Variants in PALM2AKAP2 observed in about 807,000 individuals in gnomAD.
PALM2AKAP2 encodes the protein PALM2 and AKAP2 fusion.
PALM2AKAP2 carries 37 observed loss-of-function variants against 71.5 expected under a neutral mutation model. The ratio of observed to expected loss-of-function variants is 0.52; its 90% CI spans 0.40 to 0.68. The LOEUF is 0.68. PALM2AKAP2 is among the 30% of genes least tolerant of loss of function. The pLI is 0.00. For synonymous variants in PALM2AKAP2, 468 were observed against 478.8 expected (o/e 0.98, Z 0.29); for missense variants, 1,224 against 1,191.8 (o/e 1.03, Z -0.40).
intron 1 of PALM2AKAP2, among the ~76,000 whole-genome samples, chr9:109,745,381 A>G (rs1342908185): frequency 6.6e-6 from 1 of 152,152 alleles, no homozygotes; most frequent in Admixed American, 6.5e-5. Flanking sequence ...AATAAGGCTC[A>G]TAGTTCCAGG....
intron 6 of PALM2AKAP2, chr9:109,943,514 A>C: frequency 6.8e-7 from 1 of 1,476,342 alleles, no homozygotes; most frequent in Non-Finnish European, 9.0e-7. Context: ...AATACTGTGA[A>C]CTGGAAGCAA....
chr9:110,015,039 C>A (rs921381237), intron 6 of PALM2AKAP2, among the ~76,000 whole-genome samples: 4 of 151,776 alleles, frequency 2.6e-5, no homozygotes, highest in Admixed American at 2.6e-4. Context: ...AATCTTGTGT[C>A]TTGCCGGATG....
intron 1 of PALM2AKAP2, among the ~76,000 whole-genome samples, chr9:109,812,725 C>T (rs547381156): frequency 2.0e-5 from 3 of 152,074 alleles, no homozygotes; most frequent in Non-Finnish European, 4.4e-5. Context: ...TTTATTCTTC[C>T]CTAGGGCAGG....
chr9:109,649,663 T>C (rs577200901), intron 1 of PALM2AKAP2, among the ~76,000 whole-genome samples: 4 of 152,372 alleles, frequency 2.6e-5, no homozygotes, highest in Admixed American at 2.0e-4. Context: ...AATCTATGCA[T>C]GTTAATGGCT....
At chr9:109,943,581 T>G (rs1180924612) in intron 6 of PALM2AKAP2, 8 of 1,072,452 alleles carry the variant, frequency 7.5e-6, no homozygotes, top group Middle Eastern at 3.1e-4. Context: ...TTTTTCCTTT[T>G]CCTCACCTGA....
At chr9:109,928,226 C>T (rs567078301) in intron 5 of PALM2AKAP2, among the ~76,000 whole-genome samples, 2 of 152,176 alleles carry the variant, frequency 1.3e-5, no homozygotes, top group Non-Finnish European at 2.9e-5. Flanking sequence ...CCTCAGCCCC[C>T]CGAATAGCTG....
chr9:109,890,573 A>G (rs1329711118), intron 3 of PALM2AKAP2, among the ~76,000 whole-genome samples: 4 of 152,192 alleles, frequency 2.6e-5, no homozygotes, highest in African/African-American at 9.6e-5. Flanking sequence ...TGGATCTCTC[A>G]TCCAAAGGTA....
intron 7 of PALM2AKAP2, chr9:110,024,877 C>A: frequency 1.1e-6 from 1 of 909,980 alleles, no homozygotes. Context: ...TTTTTAAACA[C>A]CTATTATGCC....
exon 2 of PALM2AKAP2, chr9:110,138,494 A>C (rs765655099): frequency 1.2e-6 from 2 of 1,613,688 alleles, no homozygotes; most frequent in South Asian, 2.2e-5. Context: ...CAGGACAAAG[A>C]ATGCCCCATC....
intron 1 of PALM2AKAP2, among the ~76,000 whole-genome samples, chr9:109,857,442 G>T (rs889918316): frequency 3.3e-5 from 5 of 152,210 alleles, no homozygotes; most frequent in African/African-American, 2.4e-5. Context: ...ATTTTTGTTT[G>T]AAATTGAGAA....
At chr9:110,126,182 A>C (rs1337874870) in intron 1 of PALM2AKAP2, among the ~76,000 whole-genome samples, 1 of 152,132 alleles carries the variant, frequency 6.6e-6, no homozygotes, top group African/African-American at 2.4e-5. Context: ...ATAGGCACAG[A>C]ATCATCTGTA....
intron 6 of PALM2AKAP2, among the ~76,000 whole-genome samples, chr9:110,008,746 C>T (rs1441896098): frequency 6.6e-6 from 1 of 151,978 alleles, no homozygotes; most frequent in Non-Finnish European, 1.5e-5. Flanking sequence ...TGCTGCATTG[C>T]CCTTACACTG....
At chr9:109,690,674 C>T (rs1827868523) in intron 1 of PALM2AKAP2, among the ~76,000 whole-genome samples, 1 of 151,982 alleles carries the variant, frequency 6.6e-6, no homozygotes, top group Admixed American at 6.6e-5. Context: ...TACATGGAGA[C>T]CTGGGATTAA....
chr9:109,797,168 A>G (rs1240353055), intron 1 of PALM2AKAP2, among the ~76,000 whole-genome samples: 3 of 151,800 alleles, frequency 2.0e-5, no homozygotes, highest in East Asian at 3.9e-4. Flanking sequence ...TTCTGCATTC[A>G]CTTTCCATCT....
chr9:109,799,784 C>G (rs10816874), intron 1 of PALM2AKAP2, among the ~76,000 whole-genome samples: 1 of 152,078 alleles, frequency 6.6e-6, no homozygotes, highest in African/African-American at 2.4e-5. Context: ...CATGAACCAC[C>G]GCGTCGGCCA....
chr9:109,654,094 C>T (rs949704087), intron 1 of PALM2AKAP2, among the ~76,000 whole-genome samples: 1 of 152,038 alleles, frequency 6.6e-6, no homozygotes, highest in African/African-American at 2.4e-5. Context: ...AATTTATATC[C>T]TAAAAATATT....
rs148766838 is a variant in PALM2AKAP2, at chr9:109,990,325, G to T, written c.497-25629G>T. 1.9e-3 allele frequency among the ~76,000 whole-genome samples: 288 copies of T among 152,194 alleles called. 1 individual carries two copies. The highest frequency in any genetic ancestry group is 6.5e-3 in the African/African-American group (269 of 41,534). ...TCCGCCTGTCTCAGCCTCCCAAAGC[G>T]CTGGGACTACAGGCGTGAGCCACCG... On this transcript the variant is annotated intron_variant, in intron 6 of 9. Coordinates refer to the PALM2AKAP2 transcript ENST00000302798.
upstream of PALM2AKAP2, among the ~76,000 whole-genome samples, chr9:109,778,768 A>ATT (rs34459734): frequency 0.029 from 4,127 of 141,454 alleles, 142 homozygotes; most frequent in African/African-American, 0.065. Flanking sequence ...TTTGATGTGC[A>ATT]TTTTTTTTTT....
At chr9:109,690,529 G>C (rs964320119) in intron 1 of PALM2AKAP2, among the ~76,000 whole-genome samples, 1 of 152,094 alleles carries the variant, frequency 6.6e-6, no homozygotes, top group Non-Finnish European at 1.5e-5. Flanking sequence ...AGTTGTTATA[G>C]CTTAATACTA....
Sources: gnomAD v4.1 joint callset for allele counts (sites outside exome capture counted in the v4.1 genomes callset) on GRCh38, gnomAD v4.1.1 for gene constraint, MANE v1.5 for transcripts, NCBI Gene and HGNC (gene_info 2026-07-23, HGNC 2026-07-21) for gene names.